The following SYN3 variants were observed in gnomAD, a reference collection of about 807,000 sequenced individuals.
The protein encoded by SYN3 is synapsin-3.
In SYN3, 35 loss-of-function variants were observed where a neutral mutation model predicts 65.8. The observed-to-expected ratio is 0.53, with a 90% CI of 0.41 to 0.70. The LOEUF (loss-of-function observed/expected upper bound fraction) is 0.70. Ranked by LOEUF, SYN3 falls within the 30% of genes least tolerant of loss-of-function variation. The pLI is 0.00. For synonymous variants in SYN3, 270 were observed against 292.9 expected, an observed-to-expected ratio of 0.92 and a Z score of 0.80; for missense variants, 680 against 749.0, an observed-to-expected ratio of 0.91 and a Z score of 1.08.
At chr22:32,517,909 T>C (rs1297164673) in intron 13 of SYN3, 134 bp downstream of exon 13, 8 of 1,009,892 alleles carry the variant, frequency 7.9e-6, no homozygotes, top group Middle Eastern at 2.3e-4. Flanking sequence ...TCTAGTCCTG[T>C]TTTTACCTAT....
intron 6 of SYN3, among the ~76,000 whole-genome samples, chr22:32,643,871 C>T (rs963883210): frequency 2.0e-5 from 3 of 151,516 alleles, no homozygotes; most frequent in African/African-American, 4.9e-5. Context: ...GCGGGTGGAT[C>T]ACAAGGTCAG....
At chr22:32,788,296 C>G (rs1402631880) in intron 6 of SYN3, among the ~76,000 whole-genome samples, 1 of 152,006 alleles carries the variant, frequency 6.6e-6, no homozygotes, top group Admixed American at 6.6e-5. Context: ...AATCCCAGCA[C>G]TTTTAGAGGC....
At chr22:32,628,074 C>T (rs185949899) in intron 6 of SYN3, among the ~76,000 whole-genome samples, 4 of 152,242 alleles carry the variant, frequency 2.6e-5, no homozygotes, top group East Asian at 3.9e-4. Flanking sequence ...GTGATCCGCC[C>T]GCCAAATCCC....
rs1318600940 is a variant in SYN3 at position 32,511,606 on chromosome 22, G to A, written c.*2086C>T. Among the ~76,000 whole-genome samples, 1 of 152,194 alleles carries A rather than the reference G, an allele frequency of 6.6e-6. No individual in the cohort carries two copies. Among genetic ancestry groups the A allele is most frequent in the Non-Finnish European group, 1.5e-5 (1 of 68,032 alleles). On this transcript the variant is annotated 3_prime_UTR_variant, in exon 14 of 14. Coordinates refer to ENST00000358763, the MANE Select transcript of SYN3 (RefSeq NM_003490.4). Reference sequence around the variant, plus strand: ...CCGAGCATGGAGACAGAGTAAGGGTGGTGGGCTTTTTGGGCGCTAGAAAGA... The same window carrying A: ...CCGAGCATGGAGACAGAGTAAGGGTAGTGGGCTTTTTGGGCGCTAGAAAGA...
intron 6 of SYN3, among the ~76,000 whole-genome samples, chr22:32,825,053 G>A (rs948549729): frequency 1.3e-5 from 2 of 152,054 alleles, no homozygotes; most frequent in Admixed American, 1.3e-4. Flanking sequence ...TCCAATGAGC[G>A]CAGAAAAGGG....
chr22:32,528,641 T>G (rs967314873), intron 11 of SYN3, among the ~76,000 whole-genome samples: 3 of 152,168 alleles, frequency 2.0e-5, no homozygotes, highest in Non-Finnish European at 4.4e-5. Flanking sequence ...ACAAGATTGT[T>G]CTCCCCAGGA....
At chr22:32,979,622 T>C (rs928232259) in intron 3 of SYN3, among the ~76,000 whole-genome samples, 2 of 152,118 alleles carry the variant, frequency 1.3e-5, no homozygotes, top group Admixed American at 1.3e-4. Context: ...CCTTTGATGA[T>C]GAGGAGGAGG....
intron 6 of SYN3, among the ~76,000 whole-genome samples, chr22:32,784,156 C>T (rs539857775): frequency 2.6e-5 from 4 of 152,326 alleles, no homozygotes; most frequent in South Asian, 2.1e-4. Flanking sequence ...GGTGAGCCAA[C>T]GTGGCTCCCT....
Position 32,606,247 on chromosome 22 carries a change from A to G in SYN3, c.712-9511T>C, listed in dbSNP as rs73399273. 3.8e-3 allele frequency among the ~76,000 whole-genome samples: 584 copies of G among 152,296 alleles called. 5 individuals carry two copies. The highest frequency in any genetic ancestry group is 0.013 in the African/African-American group (552 of 41,550). On this transcript the variant is annotated intron_variant, in intron 6 of 13. Coordinates refer to ENST00000358763, the MANE Select transcript of SYN3 (RefSeq NM_003490.4). ...AAGGAAGCCTGAGGCCCAGGTTGTG[A>G]GCAGGGAGCGCGTTACGAAGCCTTT...
At chr22:32,738,410 G>T (rs920285898) in intron 6 of SYN3, among the ~76,000 whole-genome samples, 3 of 152,236 alleles carry the variant, frequency 2.0e-5, no homozygotes, top group Non-Finnish European at 4.4e-5. Context: ...AGAGGAAAAA[G>T]AAATTGACAG....
chr22:32,543,031 G>A (rs541905143), intron 7 of SYN3, among the ~76,000 whole-genome samples: 1 of 152,148 alleles, frequency 6.6e-6, no homozygotes, highest in South Asian at 2.1e-4. Flanking sequence ...GGCACTAGGC[G>A]GTCCACGTGG....
intron 3 of SYN3, among the ~76,000 whole-genome samples, chr22:32,979,159 G>C (rs2052298155): frequency 6.8e-6 from 1 of 148,064 alleles, no homozygotes; most frequent in African/African-American, 2.5e-5. Context: ...TTGCACTCCA[G>C]CCTGGGCAAG....
intron 6 of SYN3, among the ~76,000 whole-genome samples, chr22:32,615,618 G>A (rs1320419320): frequency 6.6e-6 from 1 of 152,072 alleles, no homozygotes; most frequent in Non-Finnish European, 1.5e-5. Context: ...AGTTTAGGGA[G>A]TGGGCTTTGA....
chr22:32,967,772 G>A (rs1350090521), intron 3 of SYN3, among the ~76,000 whole-genome samples: 4 of 152,236 alleles, frequency 2.6e-5, no homozygotes, highest in Non-Finnish European at 5.9e-5. Context: ...CACTGTGTAA[G>A]CACATCCGGG....
intron 4 of SYN3, among the ~76,000 whole-genome samples, chr22:32,877,044 C>T (rs771284929): frequency 7.9e-5 from 12 of 152,202 alleles, no homozygotes; most frequent in Non-Finnish European, 1.5e-4. Context: ...TAGTCATTCC[C>T]CTTCCTCTGT....
intron 6 of SYN3, among the ~76,000 whole-genome samples, chr22:32,726,076 T>C (rs1193658871): frequency 6.6e-6 from 1 of 152,074 alleles, no homozygotes; most frequent in African/African-American, 2.4e-5. Context: ...CCATGTGAGG[T>C]CTAGTCTTCA....
chr22:32,765,025 C>G (rs895057664), intron 6 of SYN3, among the ~76,000 whole-genome samples: 1 of 151,938 alleles, frequency 6.6e-6, no homozygotes. Context: ...GCGCCCCCAC[C>G]CCACCCCACT....
chr22:32,634,406 G>C (rs1601806449), intron 6 of SYN3, among the ~76,000 whole-genome samples: 1 of 152,200 alleles, frequency 6.6e-6, no homozygotes, highest in African/African-American at 2.4e-5. Context: ...CTGTGGCACT[G>C]AATTCAAATA....
chr22:32,584,342 T>A (rs1014236205), intron 7 of SYN3: 5 of 152,116 alleles, frequency 3.3e-5, no homozygotes, highest in African/African-American at 1.2e-4. Context: ...TATGTGACTG[T>A]CTGATGCCGG....
Sources: allele counts gnomAD v4.1 joint callset (sites outside exome capture counted in the v4.1 genomes callset), GRCh38; gene constraint gnomAD v4.1.1; transcripts MANE v1.5; gene names NCBI Gene and HGNC (gene_info 2026-07-23, HGNC 2026-07-21).